The following SLC4A10 variants were observed in gnomAD, a reference collection of about 807,000 sequenced individuals.
The protein encoded by SLC4A10 is solute carrier family 4 member 10.
Under a neutral mutation model 137.7 loss-of-function variants are expected in SLC4A10, and 42 were observed. The observed-to-expected ratio is 0.30, with a 90% CI of 0.24 to 0.39. The LOEUF is 0.39. SLC4A10 is among the 10% of genes least tolerant of loss of function. The pLI is 1.00. For synonymous variants in SLC4A10, 474 were observed against 464.1 expected (o/e 1.02, Z -0.27); for missense variants, 925 against 1,355.0 (o/e 0.68, Z 4.98).
intron 2 of SLC4A10, among the ~76,000 whole-genome samples, chr2:161,793,998 C>T (rs79600774): frequency 0.033 from 4,966 of 152,058 alleles, 224 homozygotes; most frequent in African/African-American, 0.1. Context: ...AAACTATCAG[C>T]ATCAATGAAG....
chr2:161,628,843 T>C (rs967035267), intron 1 of SLC4A10, among the ~76,000 whole-genome samples: 1 of 152,044 alleles, frequency 6.6e-6, no homozygotes, highest in Non-Finnish European at 1.5e-5. Flanking sequence ...TACTTATTTA[T>C]TAATATTATG....
chr2:161,859,866 C>T (rs2060332000), intron 5 of SLC4A10, among the ~76,000 whole-genome samples: 1 of 152,224 alleles, frequency 6.6e-6, no homozygotes, highest in East Asian at 1.9e-4. Context: ...TCCCAAAGTG[C>T]TGGGATTACA....
intron 3 of SLC4A10, among the ~76,000 whole-genome samples, chr2:161,824,668 C>G (rs2057894186): frequency 6.6e-6 from 1 of 152,176 alleles, no homozygotes; most frequent in Non-Finnish European, 1.5e-5. Flanking sequence ...TCACATTAGA[C>G]AATCTGGCAG....
intron 1 of SLC4A10, among the ~76,000 whole-genome samples, chr2:161,696,224 C>T (rs2042486491): frequency 6.6e-6 from 1 of 151,632 alleles, no homozygotes; most frequent in African/African-American, 2.4e-5. Context: ...CATCTGTGTC[C>T]CTACAAAGGA....
At chr2:161,689,116 A>G (rs1559034545) in intron 1 of SLC4A10, among the ~76,000 whole-genome samples, 1 of 152,244 alleles carries the variant, frequency 6.6e-6, no homozygotes, top group Non-Finnish European at 1.5e-5. Context: ...TTACAAATGA[A>G]TCAAAAAGTT....
intron 15 of SLC4A10, among the ~76,000 whole-genome samples, chr2:161,928,428 C>T (rs1011894980): frequency 6.8e-5 from 10 of 147,858 alleles, no homozygotes; most frequent in East Asian, 2.0e-4. Context: ...TGCTAAATGA[C>T]GAGTTAATGG....
At chr2:161,870,592 CTG>C (rs972589758) in intron 6 of SLC4A10, among the ~76,000 whole-genome samples, 3 of 151,736 alleles carry the variant, frequency 2.0e-5, no homozygotes, top group African/African-American at 7.3e-5. Context: ...TGATGTGAAA[CTG>C]GTGATTGAAG....
intron 23 of SLC4A10, among the ~76,000 whole-genome samples, chr2:161,973,863 C>G (rs938789636): frequency 3.3e-5 from 5 of 152,186 alleles, no homozygotes; most frequent in Admixed American, 6.5e-5. Flanking sequence ...GAGTACATCC[C>G]TCATCCTCTC....
At chr2:161,823,171 G>A (rs1043288165) in intron 3 of SLC4A10, among the ~76,000 whole-genome samples, 1 of 152,110 alleles carries the variant, frequency 6.6e-6, no homozygotes, top group African/African-American at 2.4e-5. Flanking sequence ...TATAAAAGTT[G>A]AAATTTATCA....
intron 15 of SLC4A10, among the ~76,000 whole-genome samples, chr2:161,931,950 A>G (rs938644741): frequency 6.6e-6 from 1 of 152,200 alleles, no homozygotes; most frequent in Non-Finnish European, 1.5e-5. Flanking sequence ...TATATCCACT[A>G]TAATGCTAGT....
intron 13 of SLC4A10, 134 bp downstream of exon 13, chr2:161,904,312 A>G (rs771248785): frequency 2.2e-4 from 206 of 942,986 alleles, no homozygotes; most frequent in Non-Finnish European, 2.9e-4. Context: ...TACACCTTAT[A>G]TGAATTTCCT....
At chr2:161,860,333 G>C (rs181701529) in intron 5 of SLC4A10, among the ~76,000 whole-genome samples, 1 of 151,978 alleles carries the variant, frequency 6.6e-6, no homozygotes, top group East Asian at 1.9e-4. Context: ...TTTAGTGTTC[G>C]AGCCTGGAAA....
Position 161,715,739 on chromosome 2 carries a change from C to A in SLC4A10, c.49-55234C>A, listed in dbSNP as rs113073557. 2.5e-3 allele frequency among the ~76,000 whole-genome samples: 373 copies of A among 152,160 alleles called. 1 individual carries two copies. The highest frequency in any genetic ancestry group is 8.5e-3 in the African/African-American group (353 of 41,504). On this transcript the variant is annotated intron_variant, in intron 1 of 26. Coordinates refer to ENST00000446997, the MANE Select transcript of SLC4A10 (RefSeq NM_001178015.2). Reference sequence around the variant, plus strand: ...ACCACATTTTCTTTATCCAGCCTATCATTGATGGGCATTTGGGTTGATTCC... The same window carrying A: ...ACCACATTTTCTTTATCCAGCCTATAATTGATGGGCATTTGGGTTGATTCC...
At chr2:161,816,993 C>T (rs1394772695) in intron 3 of SLC4A10, among the ~76,000 whole-genome samples, 2 of 152,062 alleles carry the variant, frequency 1.3e-5, no homozygotes, top group African/African-American at 4.8e-5. Flanking sequence ...GGGTATATAC[C>T]CAGTAATGGG....
intron 1 of SLC4A10, among the ~76,000 whole-genome samples, chr2:161,625,930 T>C (rs891005926): frequency 6.6e-6 from 1 of 152,078 alleles, no homozygotes; most frequent in Non-Finnish European, 1.5e-5. Context: ...AATTACCCTG[T>C]CTGCCTAAAA....
intron 15 of SLC4A10, among the ~76,000 whole-genome samples, chr2:161,930,947 T>TTGTTTTG (rs1459994960): frequency 6.6e-6 from 1 of 151,248 alleles, no homozygotes; most frequent in South Asian, 2.1e-4. Context: ...TTATTTTGTT[T>TTGTTTTG]TTTAAGACGC....
At chr2:161,982,525 A>T (rs1481409494) in intron 26 of SLC4A10, among the ~76,000 whole-genome samples, 8 of 152,150 alleles carry the variant, frequency 5.3e-5, no homozygotes, top group Admixed American at 6.5e-5. Flanking sequence ...AGAGGGTGAG[A>T]TTAAACAGAG....
intron 1 of SLC4A10, among the ~76,000 whole-genome samples, chr2:161,700,819 C>T (rs1023340328): frequency 1.3e-5 from 2 of 152,080 alleles, no homozygotes; most frequent in East Asian, 3.8e-4. Context: ...ACAGGTTCTG[C>T]TCTACGCGCT....
chr2:161,821,185 T>C (rs2057588462), intron 3 of SLC4A10, among the ~76,000 whole-genome samples: 1 of 152,208 alleles, frequency 6.6e-6, no homozygotes, highest in East Asian at 1.9e-4. Context: ...TTTTATGTGT[T>C]TTAAATATCT....
Sources: allele counts gnomAD v4.1 joint callset (sites outside exome capture counted in the v4.1 genomes callset), GRCh38; gene constraint gnomAD v4.1.1; transcripts MANE v1.5; gene names NCBI Gene and HGNC (gene_info 2026-07-23, HGNC 2026-07-21).